Variants in GABRR3 observed in about 807,000 individuals in gnomAD.
The protein encoded by GABRR3 is gamma-aminobutyric acid receptor subunit rho-3.
A neutral mutation model predicts 43.2 loss-of-function variants in GABRR3; 29 were observed. That is an observed-to-expected ratio of 0.67 (90% CI 0.50 to 0.92). The LOEUF (loss-of-function observed/expected upper bound fraction) is 0.92, where lower values mean the gene tolerates loss of function less well. GABRR3 is among the 40% of genes least tolerant of loss of function. The pLI is 0.00. For synonymous variants in GABRR3, 206 were observed against 195.9 expected (o/e 1.05, Z -0.43); for missense variants, 576 against 572.3 (o/e 1.01, Z -0.07).
At chr3:97,989,492 CTGGGTGGTGGATGATGG>C (rs1471240831) in intron 9 of GABRR3, among the ~76,000 whole-genome samples, 1 of 146,998 alleles carries the variant, frequency 6.8e-6, no homozygotes, top group Non-Finnish European at 1.5e-5. Flanking sequence ...GTGGATGGTG[CTGGGTGGTGGATGATGG>C]TGGGTGGTGG....
At chr3:98,029,658 C>A (rs1406348628) in intron 2 of GABRR3, among the ~76,000 whole-genome samples, 1 of 152,080 alleles carries the variant, frequency 6.6e-6, no homozygotes, top group East Asian at 1.9e-4. Flanking sequence ...CTAGGTCTGA[C>A]ACGAAGAGAC....
exon 5 of GABRR3, chr3:98,012,552 A>G (rs1370536004): frequency 6.2e-7 from 1 of 1,613,090 alleles, no homozygotes; most frequent in Admixed American, 1.7e-5. Context: ...CTGAGATAAA[A>G]AGTCATTGTA....
chr3:98,022,582 G>T (rs1374162606), intron 3 of GABRR3, among the ~76,000 whole-genome samples: 1 of 152,196 alleles, frequency 6.6e-6, no homozygotes, highest in Admixed American at 6.5e-5. Context: ...ATGGGTCACT[G>T]GTATAAGAAG....
At chr3:97,989,135 G>A (rs1004437400) in intron 9 of GABRR3, among the ~76,000 whole-genome samples, 23 of 151,354 alleles carry the variant, frequency 1.5e-4, no homozygotes, top group Admixed American at 5.9e-4. Flanking sequence ...GGATAATGGT[G>A]GTGGGTGATA....
In GABRR3 at chr3:98,007,870, C is replaced by T. The variant is rs1162181938; in HGVS notation, c.648G>A (p.Trp216Ter). The stretch of plus-strand genomic sequence containing the variant: ...TATTTAAGGACTTGTTTCCGTGTTT[C>T]CAGTATAGCATTAGGTCATCCTCAT... The change falls in exon 7 of 10, where the codon TGG (tryptophan) becomes TGA (stop). Residue 216 changes from tryptophan to a stop codon, truncating the protein, a stop_gained. Coordinates refer to ENST00000621172, the Ensembl canonical transcript of GABRR3. LOFTEE classifies it high-confidence loss of function. 1 of 1,598,878 alleles carries T rather than the reference C, an allele frequency of 6.3e-7. No homozygotes were observed. Among genetic ancestry groups the T allele is most frequent in the Admixed American group, 1.7e-5 (1 of 57,482 alleles).
chr3:98,009,047 A>G lies in GABRR3; in HGVS notation c.531-9T>C, dbSNP rs1706757347. 6.3e-7 allele frequency: 1 copy of G among 1,585,424 alleles called. No homozygotes were observed. Among genetic ancestry groups the G allele is most frequent in the Admixed American group, 1.7e-5 (1 of 57,152 alleles). On this transcript the variant is annotated splice_polypyrimidine_tract_variant and intron_variant, in intron 5 of 9. Transcript: ENST00000621172. The stretch of plus-strand genomic sequence containing the variant: ...TGGCCGAAACCGTTATCCTATAAAA[A>G]GAATGAGAAAAAGAAAACTGCAGAT...
chr3:98,007,713 A>G (rs1421723519), intron 7 of GABRR3, 51 bp downstream of exon 7: 4 of 1,601,744 alleles, frequency 2.5e-6, no homozygotes, highest in Non-Finnish European at 3.4e-6. Flanking sequence ...TGCTTTGCAA[A>G]CAGTAGATGT....
chr3:97,989,412 G>C (rs1462488094), intron 9 of GABRR3, among the ~76,000 whole-genome samples: 1 of 148,526 alleles, frequency 6.7e-6, no homozygotes, highest in East Asian at 2.0e-4. Flanking sequence ...TGGGTGGTAA[G>C]TGATGGGTGG....
At chr3:98,027,461 AATGGC>A (rs1707034480) in intron 2 of GABRR3, among the ~76,000 whole-genome samples, 1 of 152,368 alleles carries the variant, frequency 6.6e-6, no homozygotes, top group African/African-American at 2.4e-5. Context: ...AATACAGCTA[AATGGC>A]ATGTCACTAA....
exon 7 of GABRR3, chr3:98,007,902 C>G (rs1267558245): frequency 2.6e-6 from 4 of 1,556,906 alleles, no homozygotes; most frequent in Non-Finnish European, 3.5e-6. Context: ...TCATTGTAGG[C>G]ATCTAAAACA....
intron 7 of GABRR3, among the ~76,000 whole-genome samples, chr3:98,004,436 G>A (rs137970338): frequency 0.01 from 1,578 of 152,222 alleles, 16 homozygotes; most frequent in Non-Finnish European, 0.014. Flanking sequence ...GACAGGGTTT[G>A]AACTTAGGCA....
intron 3 of GABRR3, among the ~76,000 whole-genome samples, chr3:98,019,247 A>G (rs1226605515): frequency 6.6e-6 from 1 of 152,216 alleles, no homozygotes; most frequent in Non-Finnish European, 1.5e-5. Flanking sequence ...TAATGCCTGG[A>G]TGTGCTACAT....
At chr3:98,004,678 GA>G (rs796540359) in intron 7 of GABRR3, among the ~76,000 whole-genome samples, 1,758 of 125,830 alleles carry the variant, frequency 0.014, 18 homozygotes, top group African/African-American at 0.044. Context: ...TGAAGGCCAA[GA>G]AAAAAAAAAA....
At chr3:97,989,247 G>A (rs1224042971) in intron 9 of GABRR3, among the ~76,000 whole-genome samples, 1 of 150,860 alleles carries the variant, frequency 6.6e-6, no homozygotes, top group Non-Finnish European at 1.5e-5. Flanking sequence ...GTGAACAGTG[G>A]TTGATGATGG....
At chr3:98,004,973 CT>C in intron 7 of GABRR3, among the ~76,000 whole-genome samples, 2 of 152,076 alleles carry the variant, frequency 1.3e-5, no homozygotes, top group African/African-American at 4.8e-5. Context: ...TGCTCATGAA[CT>C]AAAATAAGTT....
intron 7 of GABRR3, among the ~76,000 whole-genome samples, chr3:98,005,341 G>A (rs13091233): frequency 0.12 from 17,830 of 151,704 alleles, 1,317 homozygotes; most frequent in Non-Finnish European, 0.17. Flanking sequence ...ATATTCTTCC[G>A]TAACTTGCTT....
intron 9 of GABRR3, among the ~76,000 whole-genome samples, chr3:97,991,528 C>T (rs1160423925): frequency 6.6e-6 from 1 of 152,194 alleles, no homozygotes; most frequent in African/African-American, 2.4e-5. Flanking sequence ...GAAATGAAAG[C>T]ATCTGCAAGA....
At chr3:98,024,580 C>T (rs555834818) in intron 3 of GABRR3, among the ~76,000 whole-genome samples, 11 of 152,272 alleles carry the variant, frequency 7.2e-5, no homozygotes, top group Admixed American at 2.6e-4. Context: ...GAGTATCCCC[C>T]GCCCTGAACA....
At chr3:98,032,668 T>C (rs1707102189) in intron 2 of GABRR3, among the ~76,000 whole-genome samples, 1 of 152,178 alleles carries the variant, frequency 6.6e-6, no homozygotes, top group African/African-American at 2.4e-5. Context: ...TTAAAGTCTT[T>C]AGGTTTTGAA....
Sources: allele counts gnomAD v4.1 joint callset (sites outside exome capture counted in the v4.1 genomes callset), GRCh38; gene constraint gnomAD v4.1.1; transcripts MANE v1.5; gene names NCBI Gene and HGNC (gene_info 2026-07-23, HGNC 2026-07-21).